CFH: variants seen among roughly 807,000 people sequenced by gnomAD.
The protein encoded by CFH is complement factor H.
In CFH, 53 loss-of-function variants were observed where a neutral mutation model predicts 147.3. The observed-to-expected ratio is 0.36, with a 90% CI of 0.29 to 0.45. The LOEUF is 0.45. Ranked by LOEUF, CFH falls within the 20% of genes least tolerant of loss-of-function variation. CFH has a pLI of 1.00. For synonymous variants in CFH, 536 were observed against 489.4 expected (o/e 1.10, Z -1.26); for missense variants, 1,380 against 1,498.0 (o/e 0.92, Z 1.30).
At chr1:196,673,392 A>G in intron 2 of CFH, 1 of 526,380 alleles carries the variant, frequency 1.9e-6, no homozygotes, top group East Asian at 3.5e-5. Context: ...GCTGGAGTGC[A>G]GTGGCGCTAT....
Position 196,745,883 on chromosome 1 carries a change from C to T in CFH, c.3377C>T (p.Ser1126Leu), listed in dbSNP as rs763156179. The T allele has an allele frequency of 1.4e-5, 23 of 1,614,006 alleles. No homozygotes were observed. The African/African-American group carries it at 2.4e-4, about 17-fold the overall frequency. ...DNGDITSFPL[S>L]VYAPASSVEY... The stretch of plus-strand genomic sequence containing the variant: ...GGGGACATTACTTCATTCCCGTTGT[C>T]AGTATATGCTCCAGCTTCATCAGTT... Residue 1126 changes from serine (S) to leucine (L), a missense_variant, in exon 21 of 22, where the codon TCA (serine) becomes TTA (leucine). Physicochemically the swap from Ser to Leu is moderately radical, Grantham distance 145. This residue lies in a region of CFH where 123 missense variants were observed against 185.3 expected (regional missense o/e 0.66). Transcript: ENST00000367429.
At position 196,707,223 on chromosome 1, in the gene CFH, TC is replaced by T. The variant is rs559336918; in HGVS notation, c.1337-6510del. On this transcript the variant is annotated intron_variant, in intron 9 of 21. Coordinates refer to ENST00000367429, the MANE Select transcript of CFH (RefSeq NM_000186.4). ...ACTAACAACCTGGAATAACATTCTGTCCATTGCCCTGCTCAGAGTAAGGGTG... is the reference window on the plus strand; with the variant it reads ...ACTAACAACCTGGAATAACATTCTGTCATTGCCCTGCTCAGAGTAAGGGTG... Among the ~76,000 whole-genome samples the T allele has an allele frequency of 9.2e-5, 14 of 152,304 alleles. No individual in the cohort carries two copies. In the East Asian group the frequency reaches 2.7e-3, roughly 29 times the overall value.
intron 17 of CFH, among the ~76,000 whole-genome samples, chr1:196,738,464 G>A (rs1558183710): frequency 6.6e-6 from 1 of 152,198 alleles, no homozygotes; most frequent in Non-Finnish European, 1.5e-5. Context: ...ACACAATGGG[G>A]GTACAGGGAT....
intron 10 of CFH, among the ~76,000 whole-genome samples, chr1:196,714,276 A>G (rs1668793543): frequency 1.3e-5 from 2 of 152,008 alleles, no homozygotes; most frequent in African/African-American, 4.8e-5. Flanking sequence ...CCTAGATACA[A>G]AAGCAATGTT....
intron 9 of CFH, among the ~76,000 whole-genome samples, chr1:196,711,851 T>A (rs1378827357): frequency 6.6e-6 from 1 of 152,030 alleles, no homozygotes; most frequent in East Asian, 1.9e-4. Context: ...TCTTGGGGAG[T>A]TTTGCTCTAC....
chr1:196,652,089 G>A lies in CFH; in HGVS notation c.-29G>A. On this transcript the variant is annotated 5_prime_UTR_variant, in exon 1 of 22. Transcript: ENST00000367429. The stretch of plus-strand genomic sequence containing the variant: ...CTGGACGTTGTGAACAGAGTTAGCT[G>A]GTAAATGTCCTCTTAAAAGATCCAA... The A allele has an allele frequency of 2.6e-6, 4 of 1,513,136 alleles. No individual in the cohort carries two copies. The highest frequency in any genetic ancestry group is 3.7e-6 in the Non-Finnish European group (4 of 1,088,240). The allele number at this position is 1,513,136 out of a possible 1,614,324, so 93.7% of individuals were successfully genotyped here.
In CFH at chr1:196,747,490, A is replaced by G; in HGVS notation, c.*177A>G. ...TCTCTTCTTAAAAGCACCATATTAAATCCTGGAAAACTAACGGTTGTGTCC... is the reference window on the plus strand; with the variant it reads ...TCTCTTCTTAAAAGCACCATATTAAGTCCTGGAAAACTAACGGTTGTGTCC... On this transcript the variant is annotated 3_prime_UTR_variant, in exon 22 of 22. Coordinates refer to ENST00000367429, the MANE Select transcript of CFH (RefSeq NM_000186.4). 1.1e-6 allele frequency: 1 copy of G among 883,262 alleles called. No homozygotes were observed. Among genetic ancestry groups the G allele is most frequent in the Non-Finnish European group, 1.8e-6 (1 of 569,028 alleles). The allele number at this position is 883,262 out of a possible 1,614,324, so 54.7% of individuals were successfully genotyped here.
rs779166622 is a variant in CFH at position 196,743,445 on chromosome 1, T to C, written c.3134-7T>C. ...TAGGTGGAACCACTTCTTTTTTTTC[T>C]ATTCAGACACCTCCTGTGTGAATCC... is the stretch of plus-strand genomic sequence containing the variant. On this transcript the variant is annotated splice_polypyrimidine_tract_variant and splice_region_variant and intron_variant, in intron 19 of 21. Transcript: ENST00000367429. 22 of 1,613,880 alleles carry C rather than the reference T, an allele frequency of 1.4e-5. No homozygotes were observed. The Middle Eastern group carries it at 4.9e-4, about 36-fold the overall frequency.
intron 9 of CFH, among the ~76,000 whole-genome samples, chr1:196,693,264 T>C (rs1225999439): frequency 6.6e-6 from 1 of 152,098 alleles, no homozygotes; most frequent in Non-Finnish European, 1.5e-5. Flanking sequence ...GCAAACTGGC[T>C]GTAGTTTCCT....
chr1:196,726,898 A>C lies in CFH; in HGVS notation c.2194A>C (p.Thr732Pro). 6.2e-7 allele frequency: 1 copy of C among 1,613,828 alleles called. No individual in the cohort carries two copies. Among genetic ancestry groups the C allele is most frequent in the Non-Finnish European group, 8.5e-7 (1 of 1,179,778 alleles). The part of the protein sequence containing the change: ...SFTMIGHRSI[T>P]CIHGVWTQLP... ...TACAATGATTGGACACAGATCAATTACGTGTATTCATGGAGTATGGACCCA... is the reference window on the plus strand; with the variant it reads ...TACAATGATTGGACACAGATCAATTCCGTGTATTCATGGAGTATGGACCCA... Residue 732 changes from threonine (T) to proline (P), a missense_variant, in exon 14 of 22, where the codon ACG (threonine) becomes CCG (proline). Physicochemically the swap from Thr to Pro is conservative, Grantham distance 38. Transcript: ENST00000367429.
At chr1:196,668,507 T>C (rs557662802) in intron 1 of CFH, among the ~76,000 whole-genome samples, 1 of 152,258 alleles carries the variant, frequency 6.6e-6, no homozygotes, top group East Asian at 1.9e-4. Context: ...CCAAATCTCA[T>C]CTTAAATTAT....
At chr1:196,698,335 T>C (rs938743223) in intron 9 of CFH, among the ~76,000 whole-genome samples, 1 of 151,814 alleles carries the variant, frequency 6.6e-6, no homozygotes, top group Non-Finnish European at 1.5e-5. Context: ...GCCATACTAA[T>C]AAAGAAGAAA....
chr1:196,702,833 A>T (rs1668493481), intron 9 of CFH, among the ~76,000 whole-genome samples: 1 of 152,128 alleles, frequency 6.6e-6, no homozygotes, highest in Non-Finnish European at 1.5e-5. Flanking sequence ...TCTGCAAGGG[A>T]GTGCCCAAGC....
At chr1:196,696,670 G>A (rs1488190246) in intron 9 of CFH, among the ~76,000 whole-genome samples, 1 of 152,092 alleles carries the variant, frequency 6.6e-6, no homozygotes, top group Admixed American at 6.6e-5. Context: ...AGTTTATATG[G>A]AACCAAGAAA....
In CFH at chr1:196,664,846, T is replaced by A. The variant is rs1290583613; in HGVS notation, c.59-8132T>A. 3.3e-5 allele frequency among the ~76,000 whole-genome samples: 5 copies of A among 152,224 alleles called. No individual in the cohort carries two copies. In the East Asian group the frequency reaches 9.6e-4, roughly 29 times the overall value. On this transcript the variant is annotated intron_variant, in intron 1 of 21. Transcript: ENST00000367429. ...CTAAATATTTCACAAAATCTTTAAT[T>A]ATTATTTGTTACTTTTAAAAAATTG...
intron 9 of CFH, among the ~76,000 whole-genome samples, chr1:196,703,366 T>C (rs191442287): frequency 2.0e-5 from 3 of 152,300 alleles, no homozygotes; most frequent in African/African-American, 7.2e-5. Context: ...TGTTAAACAG[T>C]CAGCCTTCTG....
chr1:196,677,625 T>G lies in CFH; in HGVS notation c.577T>G (p.Ser193Ala). The G allele has an allele frequency of 1.2e-6, 2 of 1,613,130 alleles. No individual in the cohort carries two copies. Among genetic ancestry groups the G allele is most frequent in the Non-Finnish European group, 1.7e-6 (2 of 1,179,300 alleles). ...TGAAGGAGATGAAGAAATGCATTGT[T>G]CAGACGATGGTTTTTGGAGTAAAGA... The part of the protein sequence containing the change: ...KIEGDEEMHC[S>A]DDGFWSKEKP... Residue 193 changes from serine to alanine, a missense_variant, in exon 5 of 22, where the codon TCA (serine) becomes GCA (alanine). Around this residue, in one of 4 missense-constraint regions of CFH, gnomAD observed 260 missense variants for 263.3 expected, o/e 0.99. Transcript: ENST00000367429.
intron 7 of CFH, 56 bp from the exon 8 acceptor site, chr1:196,689,364 T>A: frequency 6.9e-7 from 1 of 1,448,314 alleles, no homozygotes; most frequent in Non-Finnish European, 9.5e-7. Flanking sequence ...ATCTCTAATA[T>A]GAGTGTTTAT....
intron 1 of CFH, among the ~76,000 whole-genome samples, chr1:196,668,868 G>A (rs1432896193): frequency 1.3e-5 from 2 of 152,122 alleles, no homozygotes; most frequent in South Asian, 2.1e-4. Flanking sequence ...AAGGTAGTAG[G>A]GCACTATTAT....
Sources: gnomAD v4.1 joint callset for allele counts (sites outside exome capture counted in the v4.1 genomes callset) on GRCh38, gnomAD v4.1.1 for gene constraint, gnomAD v4.1.1 regional missense constraint, MANE v1.5 for transcripts, NCBI Gene and HGNC (gene_info 2026-07-23, HGNC 2026-07-21) for gene names.